The following OSBPL10 variants were observed in gnomAD, a reference collection of about 807,000 sequenced individuals.
The protein encoded by OSBPL10 is oxysterol binding protein like 10.
OSBPL10 carries 49 observed loss-of-function variants against 81.7 expected under a neutral mutation model. The observed-to-expected ratio is 0.60, with a 90% confidence interval of 0.48 to 0.76. The LOEUF is 0.76. OSBPL10 is among the 30% of genes least tolerant of loss of function. The pLI is 0.00. For synonymous variants in OSBPL10, 419 were observed against 383.6 expected, an observed-to-expected ratio of 1.09 and a Z score of -1.08; for missense variants, 923 against 987.8, an observed-to-expected ratio of 0.93 and a Z score of 0.88.
In OSBPL10 at chr3:31,801,900, A is replaced by C. The variant is rs111271347; in HGVS notation, c.729+28140T>G. 3.0e-3 allele frequency among the ~76,000 whole-genome samples: 448 copies of C among 151,644 alleles called. 3 individuals carry two copies. The highest frequency in any genetic ancestry group is 0.01 in the African/African-American group (416 of 41,334). On this transcript the variant is annotated intron_variant, in intron 4 of 11. Transcript: ENST00000396556. The stretch of plus-strand genomic sequence containing the variant: ...TGCAATGGCACGATCTCAGCTCACC[A>C]CAACCTCTGCCTCCAGGATTCAAGC...
At chr3:31,864,804 G>T (rs1345459513) in intron 3 of OSBPL10, among the ~76,000 whole-genome samples, 1 of 152,206 alleles carries the variant, frequency 6.6e-6, no homozygotes, top group African/African-American at 2.4e-5. Flanking sequence ...ACTAACGATT[G>T]TTCGAGCTAG....
At chr3:31,861,106 A>G (rs1248506546) in intron 3 of OSBPL10, among the ~76,000 whole-genome samples, 1 of 152,174 alleles carries the variant, frequency 6.6e-6, no homozygotes, top group Non-Finnish European at 1.5e-5. Flanking sequence ...AACATAAATT[A>G]TTAGTTTAGA....
chr3:31,840,970 G>C (rs1302883434), intron 3 of OSBPL10, among the ~76,000 whole-genome samples: 1 of 152,186 alleles, frequency 6.6e-6, no homozygotes, highest in Admixed American at 6.5e-5. Context: ...GTGCAATGGC[G>C]TGATCTCGGC....
chr3:31,951,725 T>G (rs2125445807), intron 1 of OSBPL10, among the ~76,000 whole-genome samples: 1 of 150,984 alleles, frequency 6.6e-6, no homozygotes, highest in Non-Finnish European at 1.5e-5. Flanking sequence ...AACTATATAA[T>G]TATATATTTA....
chr3:31,846,552 A>C (rs575623119), intron 3 of OSBPL10, among the ~76,000 whole-genome samples: 3 of 152,130 alleles, frequency 2.0e-5, no homozygotes, highest in East Asian at 3.9e-4. Context: ...GAATCGCTTG[A>C]ACCTGGGAGG....
intron 1 of OSBPL10, among the ~76,000 whole-genome samples, chr3:32,057,753 C>T (rs2125439227): frequency 6.6e-6 from 1 of 152,268 alleles, no homozygotes; most frequent in African/African-American, 2.4e-5. Flanking sequence ...GGACACAAGC[C>T]TAACCATATC....
At chr3:31,737,789 C>T (rs961610489) in intron 5 of OSBPL10, among the ~76,000 whole-genome samples, 71 of 151,974 alleles carry the variant, frequency 4.7e-4, no homozygotes, top group Admixed American at 4.6e-3. Flanking sequence ...GTCAGGAGTT[C>T]GAGACCAGCC....
intron 1 of OSBPL10, among the ~76,000 whole-genome samples, chr3:31,959,171 G>A (rs1256895128): frequency 6.6e-6 from 1 of 152,096 alleles, no homozygotes; most frequent in Non-Finnish European, 1.5e-5. Flanking sequence ...CTAAAGAAAT[G>A]CTACGAGATA....
intron 2 of OSBPL10, among the ~76,000 whole-genome samples, chr3:31,877,603 A>C (rs1701511631): frequency 6.6e-6 from 1 of 152,134 alleles, no homozygotes; most frequent in Admixed American, 6.5e-5. Flanking sequence ...GATTCCCTGG[A>C]AATTATATCT....
At chr3:31,777,185 G>GCA (rs1452850133) in intron 4 of OSBPL10, among the ~76,000 whole-genome samples, 2 of 152,206 alleles carry the variant, frequency 1.3e-5, no homozygotes, top group Non-Finnish European at 2.9e-5. Flanking sequence ...GCACTGAACA[G>GCA]CACATCAGAT....
intron 1 of OSBPL10, among the ~76,000 whole-genome samples, chr3:31,911,372 GGTGGAGGA>G (rs1050090034): frequency 1.3e-5 from 2 of 152,124 alleles, no homozygotes; most frequent in African/African-American, 4.8e-5. Context: ...CTCTCATGGG[GGTGGAGGA>G]GTGGAATGGG....
Position 31,905,566 on chromosome 3 carries a change from T to C in OSBPL10, c.282-25736A>G, listed in dbSNP as rs1368108082. On this transcript the variant is annotated intron_variant, in intron 1 of 11. Transcript: ENST00000396556. Reference sequence around the variant, plus strand: ...GGTTTCGCCATGTTGGCCAGGCTGCTCTCGAACTCCTGACCTCAAGTGATC... The same window carrying C: ...GGTTTCGCCATGTTGGCCAGGCTGCCCTCGAACTCCTGACCTCAAGTGATC... 2.6e-5 allele frequency among the ~76,000 whole-genome samples: 4 copies of C among 151,880 alleles called. No individual in the cohort carries two copies. The East Asian group carries it at 7.7e-4, about 29-fold the overall frequency.
chr3:31,829,549 T>C (rs1559482960), intron 4 of OSBPL10, among the ~76,000 whole-genome samples: 1 of 152,136 alleles, frequency 6.6e-6, no homozygotes, highest in Non-Finnish European at 1.5e-5. Context: ...TAAACAAGTC[T>C]TCTGACTTCA....
At chr3:32,076,703 C>A (rs1408277038) in intron 1 of OSBPL10, among the ~76,000 whole-genome samples, 1 of 152,044 alleles carries the variant, frequency 6.6e-6, no homozygotes, top group African/African-American at 2.4e-5. Flanking sequence ...AAATTAGTCA[C>A]CCTGAGCATT....
At chr3:31,909,520 GA>G (rs1405283439) in intron 1 of OSBPL10, among the ~76,000 whole-genome samples, 1 of 151,516 alleles carries the variant, frequency 6.6e-6, no homozygotes, top group Non-Finnish European at 1.5e-5. Context: ...AAAAAAGAAA[GA>G]AAGGGGGAGA....
chr3:32,058,092 C>A (rs1469046458), intron 1 of OSBPL10, among the ~76,000 whole-genome samples: 4 of 152,198 alleles, frequency 2.6e-5, no homozygotes, highest in Non-Finnish European at 4.4e-5. Context: ...CTGTGCATAT[C>A]ACTGCATTTA....
At chr3:31,998,036 T>G (rs1575082412) in intron 2 of OSBPL10, among the ~76,000 whole-genome samples, 1 of 152,076 alleles carries the variant, frequency 6.6e-6, no homozygotes, top group South Asian at 2.1e-4. Flanking sequence ...CAAGCAGTCC[T>G]CCCGCCTCGG....
chr3:31,720,028 T>TA (rs1432754761), intron 6 of OSBPL10, among the ~76,000 whole-genome samples: 1 of 148,284 alleles, frequency 6.7e-6, no homozygotes, highest in African/African-American at 2.5e-5. Flanking sequence ...TCCACTGGTA[T>TA]AAAAAAAGTT....
chr3:31,828,701 T>G (rs879592347), intron 4 of OSBPL10, among the ~76,000 whole-genome samples: 1 of 152,138 alleles, frequency 6.6e-6, no homozygotes, highest in African/African-American at 2.4e-5. Flanking sequence ...CCCAGCTAAT[T>G]TTTGTGTTAT....
Sources: gnomAD v4.1 joint callset for allele counts (sites outside exome capture counted in the v4.1 genomes callset) on GRCh38, gnomAD v4.1.1 for gene constraint, MANE v1.5 for transcripts, NCBI Gene and HGNC (gene_info 2026-07-23, HGNC 2026-07-21) for gene names.